LY75: variants seen among roughly 807,000 people sequenced by gnomAD.
LY75 encodes the protein C-type lectin domain family 13 member B.
Under a neutral mutation model 231.7 loss-of-function variants are expected in LY75, and 185 were observed. The ratio of observed to expected loss-of-function variants is 0.80; its 90% CI spans 0.71 to 0.90. LY75 has a LOEUF of 0.90. LY75 is among the 40% of genes least tolerant of loss of function. LY75 has a pLI of 0.00. For missense variants in LY75, 1,947 were observed against 2,050.2 expected (o/e 0.95, Z 0.97); for synonymous variants, 668 against 689.0 (o/e 0.97, Z 0.48).
Position 159,832,499 on chromosome 2 carries a change from C to T in LY75, c.3842-713G>A, listed in dbSNP as rs112183222. Among the ~76,000 whole-genome samples, 336 of 152,274 alleles carry T rather than the reference C, an allele frequency of 2.2e-3. 1 individual carries two copies. Among genetic ancestry groups the T allele is most frequent in the Non-Finnish European group, 4.2e-3 (285 of 68,026 alleles). On this transcript the variant is annotated intron_variant, in intron 27 of 34. Coordinates refer to ENST00000263636, the MANE Select transcript of LY75 (RefSeq NM_002349.4). ...AAAGGTTGGGGACTGCTGGGCTATA[C>T]GACAGATCTTCCTTTTCCTTAGTTT...
rs965731661 is a variant in LY75 at position 159,815,343 on chromosome 2, A to C, written c.4549+62T>G. 2.0e-6 allele frequency: 3 copies of C among 1,518,048 alleles called. No homozygotes were observed. The African/African-American group carries it at 4.2e-5, about 21-fold the overall frequency. The allele number at this position is 1,518,048 out of a possible 1,614,324, so 94.0% of individuals were successfully genotyped here. A position where few individuals can be genotyped will look rare whatever the true frequency, so the allele number is the denominator to read the frequency against. ...AAATAAAAATTCCACTGAGCTTTTA[A>C]TTATGTGCATAAATTATGTCACATT... is the stretch of plus-strand genomic sequence containing the variant. On this transcript the variant is annotated intron_variant, in intron 31 of 34. Transcript: ENST00000263636.
At chr2:159,842,484 A>G (rs1684067789) in intron 23 of LY75, 110 bp from the exon 24 acceptor site, 1 of 1,316,166 alleles carries the variant, frequency 7.6e-7, no homozygotes, top group African/African-American at 1.5e-5. Flanking sequence ...AAAGAATTCC[A>G]TGAAGGACCT....
chr2:159,852,429 T>G (rs1684430760), intron 20 of LY75, 89 bp from the exon 21 acceptor site: 2 of 1,524,516 alleles, frequency 1.3e-6, no homozygotes, highest in African/African-American at 1.4e-5. Context: ...TTTGTTTTTT[T>G]TTTTTTGAGA....
chr2:159,889,170 T>C (rs1037025174), intron 4 of LY75, among the ~76,000 whole-genome samples: 2 of 152,160 alleles, frequency 1.3e-5, no homozygotes, highest in Admixed American at 6.5e-5. Flanking sequence ...AAGTCCTAAA[T>C]AAATAGAAAA....
chr2:159,872,567 T>C lies in LY75; in HGVS notation c.2001A>G (p.Arg667=), dbSNP rs754765576. ...GTTCAGCTTCTTCCCAGTTCCTCTT[T>C]CTTACAATTCTTTCTGCATGGAATA... ...YKVFHAERIV[R]KRNWEEAERF... is the part of the protein sequence containing the mutation. The change falls in exon 13 of 35, where the codon AGA becomes AGG. Residue 667 remains arginine, a synonymous_variant. Transcript: ENST00000263636. 4 of 1,613,808 alleles carry C rather than the reference T, an allele frequency of 2.5e-6. No individual in the cohort carries two copies. The East Asian group carries it at 8.9e-5, about 36-fold the overall frequency.
chr2:159,834,644 T>G (rs1683765939), intron 26 of LY75, among the ~76,000 whole-genome samples: 2 of 152,358 alleles, frequency 1.3e-5, no homozygotes, highest in Non-Finnish European at 2.9e-5. Flanking sequence ...ACATTGATGT[T>G]CTAAATAAGT....
chr2:159,841,106 T>G, intron 24 of LY75, 151 bp from the exon 25 acceptor site: 2 of 1,174,312 alleles, frequency 1.7e-6, no homozygotes, highest in Non-Finnish European at 2.3e-6. Context: ...ATTAGGTATG[T>G]CTTGCTGTAT....
intron 21 of LY75, among the ~76,000 whole-genome samples, chr2:159,850,754 A>G (rs2125854025): frequency 7.4e-6 from 1 of 134,460 alleles, no homozygotes; most frequent in South Asian, 2.2e-4. Context: ...AAACAACTGA[A>G]GAGCGGTCTT....
intron 5 of LY75, among the ~76,000 whole-genome samples, chr2:159,886,178 A>G (rs900450134): frequency 2.0e-5 from 3 of 152,296 alleles, no homozygotes; most frequent in East Asian, 3.9e-4. Flanking sequence ...TTGCTCTTAC[A>G]TAAAAATGTA....
At chr2:159,838,681 A>T (rs372833907) in intron 25 of LY75, among the ~76,000 whole-genome samples, 2 of 152,332 alleles carry the variant, frequency 1.3e-5, no homozygotes, top group East Asian at 3.9e-4. Context: ...AGAATTTCCA[A>T]TGCTGAAGAT....
chr2:159,813,851 T>C (rs1299343497), intron 31 of LY75: 1 of 152,224 alleles, frequency 6.6e-6, no homozygotes, highest in Admixed American at 6.5e-5. Flanking sequence ...CTCTATCCTA[T>C]AAAGCCTGTT....
intron 5 of LY75, among the ~76,000 whole-genome samples, chr2:159,885,805 AG>A (rs1685566284): frequency 5.9e-5 from 9 of 152,174 alleles, no homozygotes; most frequent in Admixed American, 5.9e-4. Context: ...CTATGTGTGC[AG>A]GCAGCTTTAT....
chr2:159,872,374 A>G (rs1685040749), intron 13 of LY75, 77 bp downstream of exon 13: 1 of 1,531,040 alleles, frequency 6.5e-7, no homozygotes, highest in South Asian at 1.3e-5. Flanking sequence ...ACAGAGAGTG[A>G]GGGTAAGAAC....
At chr2:159,817,920 G>A (rs1482933059) in intron 29 of LY75, among the ~76,000 whole-genome samples, 2 of 151,938 alleles carry the variant, frequency 1.3e-5, no homozygotes, top group African/African-American at 2.4e-5. Context: ...ATGGTGGGGC[G>A]TGCCTGTAAT....
chr2:159,881,306 T>A (rs748494558), intron 7 of LY75, 66 bp from the exon 8 acceptor site: 2 of 1,485,644 alleles, frequency 1.3e-6, no homozygotes, highest in South Asian at 2.8e-5. Flanking sequence ...TACATTGTTA[T>A]ACAAATTTTT....
chr2:159,870,773 A>G (rs1329666685), intron 13 of LY75, among the ~76,000 whole-genome samples: 1 of 151,950 alleles, frequency 6.6e-6, no homozygotes. Context: ...CAGGCCCCCA[A>G]AGTGCTGGGA....
At chr2:159,805,852 C>A (rs553769197) in intron 34 of LY75, among the ~76,000 whole-genome samples, 2 of 152,324 alleles carry the variant, frequency 1.3e-5, no homozygotes, top group East Asian at 1.9e-4. Flanking sequence ...CCCAACCCCC[C>A]AAATCTTCCA....
Position 159,886,406 on chromosome 2 carries a change from G to C in LY75, c.913+14C>G. ...ATTTGTTCTGTGCAGAGGGGGTAGGGAAAGAGCAGTTACCTGGATCCCAGT... is the reference window on the plus strand; with the variant it reads ...ATTTGTTCTGTGCAGAGGGGGTAGGCAAAGAGCAGTTACCTGGATCCCAGT... On this transcript the variant is annotated intron_variant, in intron 5 of 34. Coordinates refer to ENST00000263636, the MANE Select transcript of LY75 (RefSeq NM_002349.4). The C allele has an allele frequency of 6.2e-7, 1 of 1,603,902 alleles. No individual in the cohort carries two copies. Among genetic ancestry groups the C allele is most frequent in the South Asian group, 1.1e-5 (1 of 89,782 alleles).
rs182156815 is a variant in LY75 at position 159,850,528 on chromosome 2, G to A, written c.2884-61C>T. 4.8e-5 allele frequency: 77 copies of A among 1,598,048 alleles called. No individual in the cohort carries two copies. In the East Asian group the frequency reaches 1.7e-3, roughly 35 times the overall value. On this transcript the variant is annotated intron_variant, in intron 21 of 34. Transcript: ENST00000263636. Reference sequence around the variant, plus strand: ...AGACACAGGAACGCTCACATAGGAAGTAAAATGCTTCATCTTTTAGAGGGC... The same window carrying A: ...AGACACAGGAACGCTCACATAGGAAATAAAATGCTTCATCTTTTAGAGGGC...
Sources: gnomAD v4.1 joint callset for allele counts (sites outside exome capture counted in the v4.1 genomes callset) on GRCh38, gnomAD v4.1.1 for gene constraint, MANE v1.5 for transcripts, NCBI Gene and HGNC (gene_info 2026-07-23, HGNC 2026-07-21) for gene names.